NBAS: variants seen among roughly 807,000 people sequenced by gnomAD.
The protein encoded by NBAS is NBAS subunit of NRZ tethering complex.
NBAS carries 219 observed loss-of-function variants against 302.5 expected under a neutral mutation model. That is an observed-to-expected ratio of 0.72 (90% CI 0.65 to 0.81). The LOEUF (loss-of-function observed/expected upper bound fraction) is 0.81. Ranked by LOEUF, NBAS falls within the 30% of genes least tolerant of loss-of-function variation. NBAS has a pLI of 0.00. For synonymous variants in NBAS, 1,118 were observed against 1,021.6 expected, an observed-to-expected ratio of 1.09 and a Z score of -1.80; for missense variants, 2,932 against 2,841.6, an observed-to-expected ratio of 1.03 and a Z score of -0.72.
At chr2:14,837,467 C>G in the NBAS span, among the ~76,000 whole-genome samples, 1 of 151,210 alleles carries the variant, frequency 6.6e-6, no homozygotes, top group Non-Finnish European at 1.5e-5. Context: ...TGCTGTTTCT[C>G]CTTTTTTCTA....
chr2:15,034,867 T>C, the NBAS span, among the ~76,000 whole-genome samples: 1 of 152,130 alleles, frequency 6.6e-6, no homozygotes, highest in Middle Eastern at 3.2e-3. Context: ...CCAATCCAGC[T>C]TTCTCCCTGT....
At chr2:15,271,843 T>C (rs1352226160) in intron 44 of NBAS, among the ~76,000 whole-genome samples, 1 of 152,182 alleles carries the variant, frequency 6.6e-6, no homozygotes, top group Non-Finnish European at 1.5e-5. Flanking sequence ...TCTCTGTCCC[T>C]TCTATAAAAA....
the NBAS span, among the ~76,000 whole-genome samples, chr2:15,157,441 C>T: frequency 6.6e-6 from 1 of 152,196 alleles, no homozygotes; most frequent in Non-Finnish European, 1.5e-5. Context: ...CACCGCTTAG[C>T]TGGGCAACTT....
At chr2:14,891,113 C>T in the NBAS span, among the ~76,000 whole-genome samples, 1 of 152,076 alleles carries the variant, frequency 6.6e-6, no homozygotes, top group African/African-American at 2.4e-5. Context: ...TGTTATGCCA[C>T]ATCTAAATGT....
intron 44 of NBAS, among the ~76,000 whole-genome samples, chr2:15,265,595 C>A (rs958669192): frequency 6.6e-6 from 1 of 151,968 alleles, no homozygotes; most frequent in Non-Finnish European, 1.5e-5. Context: ...GCATAGGGTT[C>A]GGTAACAACA....
intron 44 of NBAS, among the ~76,000 whole-genome samples, chr2:15,261,472 T>A (rs1336365727): frequency 6.6e-6 from 1 of 152,260 alleles, no homozygotes; most frequent in African/African-American, 2.4e-5. Context: ...AACATCACCA[T>A]AATTATGCTT....
At chr2:15,355,319 AAACAACAAC>A (rs200554858) in intron 33 of NBAS, among the ~76,000 whole-genome samples, 2,671 of 152,028 alleles carry the variant, frequency 0.018, 81 homozygotes, top group African/African-American at 0.06. Flanking sequence ...CATGATAAGA[AAACAACAAC>A]AACAACAACA....
chr2:15,433,033 T>C (rs1677838541), intron 21 of NBAS, among the ~76,000 whole-genome samples: 1 of 152,188 alleles, frequency 6.6e-6, no homozygotes, highest in Non-Finnish European at 1.5e-5. Flanking sequence ...CTCTAGGATT[T>C]GGATTCACCT....
chr2:14,780,285 A>T, the NBAS span, among the ~76,000 whole-genome samples: 1 of 152,238 alleles, frequency 6.6e-6, no homozygotes, highest in African/African-American at 2.4e-5. Context: ...AATTAAACAC[A>T]TGGAATGTCT....
chr2:15,298,889 G>C (rs543380246), intron 40 of NBAS, among the ~76,000 whole-genome samples: 29 of 152,244 alleles, frequency 1.9e-4, no homozygotes, highest in Admixed American at 8.5e-4. Flanking sequence ...GAAGCATCCG[G>C]AGCTGTAGTC....
At chr2:15,121,052 C>G in the NBAS span, among the ~76,000 whole-genome samples, 1 of 152,132 alleles carries the variant, frequency 6.6e-6, no homozygotes, top group South Asian at 2.1e-4. Context: ...TGCTCAATAT[C>G]GAATTCATCT....
the NBAS span, among the ~76,000 whole-genome samples, chr2:15,116,333 A>G: frequency 6.6e-6 from 1 of 152,198 alleles, no homozygotes; most frequent in Admixed American, 6.5e-5. Context: ...AAGGCTGGGA[A>G]GTCCAAGATC....
At chr2:15,151,590 A>T in the NBAS span, among the ~76,000 whole-genome samples, 1 of 152,234 alleles carries the variant, frequency 6.6e-6, no homozygotes, top group East Asian at 1.9e-4. Flanking sequence ...TACGATAGTT[A>T]ACACCTGTGT....
chr2:15,182,858 C>T (rs1276294704), intron 50 of NBAS, among the ~76,000 whole-genome samples: 3 of 152,098 alleles, frequency 2.0e-5, no homozygotes, highest in Non-Finnish European at 4.4e-5. Context: ...CCAGGAGCAA[C>T]AGCAGGAGTC....
At chr2:15,304,073 T>C (rs956132969) in intron 40 of NBAS, among the ~76,000 whole-genome samples, 4 of 152,176 alleles carry the variant, frequency 2.6e-5, no homozygotes, top group African/African-American at 4.8e-5. Context: ...GTGGCTGATA[T>C]GGTTAGGTTT....
At chr2:14,792,187 G>A in the NBAS span, among the ~76,000 whole-genome samples, 1 of 152,116 alleles carries the variant, frequency 6.6e-6, no homozygotes, top group Non-Finnish European at 1.5e-5. Flanking sequence ...ATCAAAACCT[G>A]TCATTGGAAT....
intron 47 of NBAS, among the ~76,000 whole-genome samples, chr2:15,223,305 C>A (rs909519943): frequency 6.6e-6 from 1 of 151,642 alleles, no homozygotes; most frequent in Non-Finnish European, 1.5e-5. Context: ...TAACAACTGG[C>A]AAATCAAGGG....
chr2:15,509,697 A>G (rs1344795448), intron 10 of NBAS, among the ~76,000 whole-genome samples: 3 of 152,228 alleles, frequency 2.0e-5, no homozygotes, highest in Non-Finnish European at 1.5e-5. Context: ...TGAAATCAAT[A>G]TATTTTTTGA....
At chr2:15,370,944 A>T (rs1674454213) in intron 31 of NBAS, among the ~76,000 whole-genome samples, 1 of 152,150 alleles carries the variant, frequency 6.6e-6, no homozygotes, top group Non-Finnish European at 1.5e-5. Context: ...ATTGGTTTTG[A>T]AATGTGAGGA....
Sources: gnomAD v4.1 joint callset for allele counts (sites outside exome capture counted in the v4.1 genomes callset) on GRCh38, gnomAD v4.1.1 for gene constraint, MANE v1.5 for transcripts, NCBI Gene and HGNC (gene_info 2026-07-23, HGNC 2026-07-21) for gene names.